The following OPCML variants were observed in gnomAD, a reference collection of about 807,000 sequenced individuals.
OPCML encodes the protein opioid-binding protein/cell adhesion molecule.
OPCML carries 13 observed loss-of-function variants against 37.8 expected under a neutral mutation model. The observed-to-expected ratio is 0.34, with a 90% CI of 0.22 to 0.55. OPCML has a LOEUF of 0.55. Among genes scored for constraint, OPCML ranks in the 20% least tolerant of loss-of-function variants. The probability of loss-of-function intolerance (pLI) is 0.91; values close to 1 mark genes in which losing one functional copy is unlikely to be tolerated. For missense variants in OPCML, 341 were observed against 435.6 expected (o/e 0.78, Z 1.93); for synonymous variants, 176 against 168.8 (o/e 1.04, Z -0.33).
At chr11:133,531,744 G>GGAGAGAGAGAGA (rs10567773) in intron 1 of OPCML, among the ~76,000 whole-genome samples, 2 of 137,148 alleles carry the variant, frequency 1.5e-5, no homozygotes, top group East Asian at 2.2e-4. Context: ...AGGTGGAGAG[G>GGAGAGAGAGAGA]GAGAGAGAGA....
At chr11:132,559,774 CT>C in intron 3 of OPCML, among the ~76,000 whole-genome samples, 1 of 152,238 alleles carries the variant, frequency 6.6e-6, no homozygotes, top group South Asian at 2.1e-4. Context: ...GATAAATGTC[CT>C]GTTCCTCCTA....
chr11:132,611,822 C>T (rs752500403), intron 3 of OPCML, among the ~76,000 whole-genome samples: 9 of 152,108 alleles, frequency 5.9e-5, no homozygotes, highest in Non-Finnish European at 1.3e-4. Flanking sequence ...GCTGGAGCAA[C>T]AGCTGTTCTA....
intron 2 of OPCML, among the ~76,000 whole-genome samples, chr11:132,933,570 ATG>A (rs145923017): frequency 6.6e-6 from 1 of 151,868 alleles, no homozygotes; most frequent in African/African-American, 2.4e-5. Context: ...GAAAAGGGAG[ATG>A]TGTGTGTGTG....
intron 2 of OPCML, among the ~76,000 whole-genome samples, chr11:132,723,555 AT>A (rs11430368): frequency 4.6e-5 from 7 of 151,640 alleles, no homozygotes; most frequent in Admixed American, 1.3e-4. Flanking sequence ...AATTTTAGTG[AT>A]TTTTTTTTAA....
intron 4 of OPCML, among the ~76,000 whole-genome samples, chr11:132,480,208 A>G (rs910158612): frequency 6.6e-6 from 1 of 152,308 alleles, no homozygotes; most frequent in African/African-American, 2.4e-5. Context: ...AGGCTTGAGA[A>G]CTACATGAAG....
rs567762301 is a variant in OPCML, at chr11:133,130,889, A to C, written c.62-187879T>G. 6.2e-5 allele frequency among the ~76,000 whole-genome samples: 9 copies of C among 144,814 alleles called. No individual in the cohort carries two copies. The East Asian group carries it at 1.8e-3, about 28-fold the overall frequency. ...CTGGAATAATTCAATATCCACATGC[A>C]AAAAAAAAATGAATCTAGACATAGA... On this transcript the variant is annotated intron_variant, in intron 1 of 7. Coordinates refer to ENST00000524381, the MANE Select transcript of OPCML (RefSeq NM_001012393.5).
At chr11:132,862,006 T>C (rs945976828) in intron 2 of OPCML, among the ~76,000 whole-genome samples, 3 of 152,186 alleles carry the variant, frequency 2.0e-5, no homozygotes, top group African/African-American at 7.2e-5. Flanking sequence ...ATCTGAATAT[T>C]CTCTTAACTT....
At chr11:133,044,499 G>C (rs1029088366) in intron 1 of OPCML, among the ~76,000 whole-genome samples, 1 of 152,120 alleles carries the variant, frequency 6.6e-6, no homozygotes, top group Non-Finnish European at 1.5e-5. Context: ...GTCTTTAAAA[G>C]CTCATCAAGG....
intron 1 of OPCML, among the ~76,000 whole-genome samples, chr11:133,143,592 T>C (rs753980179): frequency 3.9e-5 from 6 of 152,210 alleles, no homozygotes; most frequent in Non-Finnish European, 7.3e-5. Context: ...TAGGATCTTT[T>C]AGAATAACTA....
intron 1 of OPCML, among the ~76,000 whole-genome samples, chr11:132,979,749 G>A (rs140668057): frequency 2.0e-5 from 3 of 152,230 alleles, no homozygotes; most frequent in Non-Finnish European, 2.9e-5. Flanking sequence ...TCTTCAGAAC[G>A]TAAGTAACAG....
chr11:132,784,800 G>A (rs771035216), intron 2 of OPCML, among the ~76,000 whole-genome samples: 1 of 152,150 alleles, frequency 6.6e-6, no homozygotes, highest in Non-Finnish European at 1.5e-5. Flanking sequence ...CTCTTGCCAT[G>A]TAATATACCT....
intron 1 of OPCML, among the ~76,000 whole-genome samples, chr11:133,434,189 C>T (rs1185769987): frequency 6.6e-6 from 1 of 152,158 alleles, no homozygotes; most frequent in Non-Finnish European, 1.5e-5. Flanking sequence ...TCACTTTCCT[C>T]ATGAAAGCTC....
intron 1 of OPCML, among the ~76,000 whole-genome samples, chr11:133,348,339 T>TC (rs998009632): frequency 6.6e-6 from 1 of 152,038 alleles, no homozygotes; most frequent in Admixed American, 6.6e-5. Flanking sequence ...CATCTTTGAA[T>TC]CCCCCCAGCA....
intron 1 of OPCML, among the ~76,000 whole-genome samples, chr11:133,489,754 A>G (rs1947612115): frequency 6.6e-6 from 1 of 152,092 alleles, no homozygotes; most frequent in African/African-American, 2.4e-5. Flanking sequence ...TTACAGCACT[A>G]TTTACAATAG....
chr11:133,117,677 G>A (rs1949357596), intron 1 of OPCML: 1 of 571,446 alleles, frequency 1.7e-6, no homozygotes. Context: ...CTTGGGCTCA[G>A]AGTGACCAGT....
intron 1 of OPCML, among the ~76,000 whole-genome samples, chr11:133,075,424 C>G (rs1948606238): frequency 1.3e-5 from 2 of 152,196 alleles, no homozygotes; most frequent in African/African-American, 4.8e-5. Flanking sequence ...ATTCTTCTGA[C>G]AGCTTTCTAG....
chr11:133,267,296 G>A (rs572293159), intron 1 of OPCML, among the ~76,000 whole-genome samples: 17 of 152,086 alleles, frequency 1.1e-4, no homozygotes, highest in Non-Finnish European at 1.5e-4. Context: ...CTTGAGCCTC[G>A]GTAATTTTTA....
intron 1 of OPCML, among the ~76,000 whole-genome samples, chr11:133,529,525 T>C (rs572601932): frequency 1.3e-5 from 2 of 152,260 alleles, no homozygotes; most frequent in Admixed American, 6.5e-5. Flanking sequence ...GTCTTTTCCA[T>C]CCCAGAAATT....
At chr11:133,373,382 G>A (rs1477807520) in intron 1 of OPCML, among the ~76,000 whole-genome samples, 2 of 147,200 alleles carry the variant, frequency 1.4e-5, no homozygotes, top group African/African-American at 5.0e-5. Context: ...GGGCAATGCG[G>A]TGAAACCCTG....
Sources: gnomAD v4.1 joint callset for allele counts (sites outside exome capture counted in the v4.1 genomes callset) on GRCh38, gnomAD v4.1.1 for gene constraint, MANE v1.5 for transcripts, NCBI Gene and HGNC (gene_info 2026-07-23, HGNC 2026-07-21) for gene names.